CADM2: variants seen among roughly 807,000 people sequenced by gnomAD.
CADM2 encodes cell adhesion molecule 2, also known as immunoglobulin superfamily member 4D.
Under a neutral mutation model 49.8 loss-of-function variants are expected in CADM2, and 12 were observed. The observed-to-expected ratio is 0.24, with a 90% CI of 0.15 to 0.39. The LOEUF is 0.39. Ranked by LOEUF, CADM2 falls within the 10% of genes least tolerant of loss-of-function variation. CADM2 has a pLI of 1.00. For missense variants in CADM2, 378 were observed against 492.3 expected (o/e 0.77, Z 2.20); for synonymous variants, 214 against 175.4 (o/e 1.22, Z -1.74).
intron 2 of CADM2, among the ~76,000 whole-genome samples, chr3:85,779,631 A>C (rs1162150958): frequency 6.6e-6 from 1 of 152,160 alleles, no homozygotes; most frequent in East Asian, 1.9e-4. Flanking sequence ...CCCCATGATT[A>C]AACTACCTCC....
chr3:85,795,987 G>C (rs1433679452), intron 2 of CADM2, among the ~76,000 whole-genome samples: 1 of 152,186 alleles, frequency 6.6e-6, no homozygotes, highest in Non-Finnish European at 1.5e-5. Context: ...TGTGAAATGA[G>C]AAGGATGATA....
intron 1 of CADM2, among the ~76,000 whole-genome samples, chr3:85,336,999 A>G (rs1399533455): frequency 8.3e-6 from 1 of 121,038 alleles, no homozygotes; most frequent in Non-Finnish European, 1.8e-5. Flanking sequence ...TATTTAATAT[A>G]TATTAAATAT....
At chr3:85,637,391 A>G (rs1050286878) in intron 1 of CADM2, among the ~76,000 whole-genome samples, 7 of 150,684 alleles carry the variant, frequency 4.6e-5, no homozygotes, top group Admixed American at 2.0e-4. Flanking sequence ...TCATGAGGTC[A>G]GGAGATCGAG....
At chr3:85,637,444 T>TACAAAAA in intron 1 of CADM2, among the ~76,000 whole-genome samples, 1 of 145,922 alleles carries the variant, frequency 6.9e-6, no homozygotes, top group Non-Finnish European at 1.5e-5. Context: ...CTACTAAAAA[T>TACAAAAA]ATAAAAAATT....
chr3:85,901,910 ATTAGC>A (rs1716177949), intron 5 of CADM2, among the ~76,000 whole-genome samples: 1 of 152,150 alleles, frequency 6.6e-6, no homozygotes, highest in Non-Finnish European at 1.5e-5. Flanking sequence ...GTTTTTTGTG[ATTAGC>A]TTAGCATAAG....
chr3:85,419,927 G>A (rs928590687), intron 1 of CADM2, among the ~76,000 whole-genome samples: 2 of 152,078 alleles, frequency 1.3e-5, no homozygotes, highest in Non-Finnish European at 2.9e-5. Context: ...GGTCAGGGGC[G>A]GGGTTTATGA....
At chr3:85,099,167 T>C (rs1575859709) in intron 1 of CADM2, among the ~76,000 whole-genome samples, 2 of 152,264 alleles carry the variant, frequency 1.3e-5, no homozygotes, top group Non-Finnish European at 1.5e-5. Flanking sequence ...TATCAAACTA[T>C]TTATGTTCTG....
chr3:85,337,652 C>T (rs891831036), intron 1 of CADM2, among the ~76,000 whole-genome samples: 9 of 151,354 alleles, frequency 5.9e-5, no homozygotes, highest in African/African-American at 2.2e-4. Context: ...GAGAGTCTAG[C>T]CTCAGTGTAA....
chr3:85,402,463 T>G (rs2035162115), intron 1 of CADM2, among the ~76,000 whole-genome samples: 2 of 152,146 alleles, frequency 1.3e-5, no homozygotes, highest in Non-Finnish European at 2.9e-5. Context: ...TAGTTTTTTT[T>G]GTTTATTTTA....
Position 85,726,595 on chromosome 3 carries a change from G to A in CADM2, c.88+47G>A, listed in dbSNP as rs749503076. 61 of 1,466,858 alleles carry A rather than the reference G, an allele frequency of 4.2e-5. No individual in the cohort carries two copies. The South Asian group carries it at 6.6e-4, about 16-fold the overall frequency. The allele number at this position is 1,466,858 out of a possible 1,614,324, so 90.9% of individuals were successfully genotyped here. A position where few individuals can be genotyped will look rare whatever the true frequency, so the allele number is the denominator to read the frequency against. On this transcript the variant is annotated intron_variant, in intron 2 of 9. Transcript: ENST00000383699. Reference sequence around the variant, plus strand: ...ATGAGTCATCATCATTCATTTTTCTGCTCAATCTTCTAAGTTCTCTTAAAT... The same window carrying A: ...ATGAGTCATCATCATTCATTTTTCTACTCAATCTTCTAAGTTCTCTTAAAT...
intron 1 of CADM2, among the ~76,000 whole-genome samples, chr3:85,528,552 C>T (rs562464930): frequency 1.3e-5 from 2 of 152,256 alleles, no homozygotes; most frequent in Admixed American, 6.5e-5. Flanking sequence ...TTCATTATGG[C>T]GTAAGCATAA....
chr3:85,056,056 C>G (rs151095644), intron 1 of CADM2, among the ~76,000 whole-genome samples: 1 of 152,168 alleles, frequency 6.6e-6, no homozygotes, highest in South Asian at 2.1e-4. Context: ...TGAACAGTAG[C>G]ATTTTTATTC....
intron 1 of CADM2, among the ~76,000 whole-genome samples, chr3:85,618,931 C>T (rs972131703): frequency 5.3e-5 from 8 of 151,868 alleles, no homozygotes; most frequent in African/African-American, 1.9e-4. Context: ...ATCCCAACTA[C>T]TCAGGAGGCT....
chr3:85,752,715 T>C (rs1041591817), intron 2 of CADM2, among the ~76,000 whole-genome samples: 2 of 152,038 alleles, frequency 1.3e-5, no homozygotes, highest in African/African-American at 2.4e-5. Context: ...AATGTCCAGA[T>C]TGCCCCACTC....
intron 1 of CADM2, among the ~76,000 whole-genome samples, chr3:85,167,342 A>G (rs1316934145): frequency 6.6e-6 from 1 of 152,106 alleles, no homozygotes; most frequent in Non-Finnish European, 1.5e-5. Context: ...AAAGATGATT[A>G]TATTTGTACT....
intron 3 of CADM2, among the ~76,000 whole-genome samples, chr3:85,877,971 C>A (rs1440465172): frequency 6.6e-6 from 1 of 151,874 alleles, no homozygotes; most frequent in Non-Finnish European, 1.5e-5. Flanking sequence ...TTTCCTTATT[C>A]TTCATACTTG....
chr3:85,433,019 G>A lies in CADM2; in HGVS notation c.62-293503G>A, dbSNP rs1016657645. Reference sequence around the variant, plus strand: ...TTCTAAGCACCCATAATAAATATTTGTGGTACATTTCATGCTATTTAATTA... The same window carrying A: ...TTCTAAGCACCCATAATAAATATTTATGGTACATTTCATGCTATTTAATTA... On this transcript the variant is annotated intron_variant, in intron 1 of 9. Transcript: ENST00000383699. Among the ~76,000 whole-genome samples the A allele has an allele frequency of 2.6e-5, 4 of 152,092 alleles. No homozygotes were observed. The South Asian group carries it at 6.2e-4, about 24-fold the overall frequency.
At chr3:85,102,235 G>A (rs952229421) in intron 1 of CADM2, among the ~76,000 whole-genome samples, 1 of 151,932 alleles carries the variant, frequency 6.6e-6, no homozygotes, top group African/African-American at 2.4e-5. Flanking sequence ...ATTTCCGTTG[G>A]TACCTCATTT....
At chr3:85,502,453 G>A (rs1294218172) in intron 1 of CADM2, among the ~76,000 whole-genome samples, 3 of 151,964 alleles carry the variant, frequency 2.0e-5, no homozygotes, top group Non-Finnish European at 4.4e-5. Context: ...AAACTAGCTA[G>A]AAGGGTTCAT....
Sources: gnomAD v4.1 joint callset for allele counts (sites outside exome capture counted in the v4.1 genomes callset) on GRCh38, gnomAD v4.1.1 for gene constraint, MANE v1.5 for transcripts, NCBI Gene and HGNC (gene_info 2026-07-23, HGNC 2026-07-21) for gene names.